Variants in DSG4 observed in about 807,000 individuals in gnomAD.
DSG4 encodes the protein desmoglein 4.
DSG4 carries 87 observed loss-of-function variants against 93.1 expected under a neutral mutation model. The ratio of observed to expected loss-of-function variants is 0.93; its 90% CI spans 0.79 to 1.12. DSG4 has a LOEUF of 1.12. DSG4 is among the 50% of genes most tolerant of loss of function. DSG4 has a pLI of 0.00. For synonymous variants in DSG4, 432 were observed against 452.9 expected (o/e 0.95, Z 0.59); for missense variants, 1,373 against 1,285.7 (o/e 1.07, Z -1.04).
At chr18:31,384,029 C>T (rs979016769) in intron 1 of DSG4, among the ~76,000 whole-genome samples, 1 of 152,076 alleles carries the variant, frequency 6.6e-6, no homozygotes, top group African/African-American at 2.4e-5. Flanking sequence ...TTTAATGACT[C>T]TGCTACCAGA....
intron 14 of DSG4, among the ~76,000 whole-genome samples, chr18:31,410,605 CAA>C (rs1298115947): frequency 6.6e-6 from 1 of 152,084 alleles, no homozygotes; most frequent in Non-Finnish European, 1.5e-5. Flanking sequence ...GCTTTTGCCT[CAA>C]AAGAGTGTCG....
chr18:31,413,670 T>G lies in DSG4; in HGVS notation c.*75T>G. ...CAATACATCCACCAAAAATATATAA[T>G]GTACCATATATATTAATAGTCAACA... On this transcript the variant is annotated 3_prime_UTR_variant, in exon 16 of 16. Coordinates refer to ENST00000308128, the MANE Select transcript of DSG4 (RefSeq NM_177986.5). 5 of 1,485,930 alleles carry G rather than the reference T, an allele frequency of 3.4e-6. No homozygotes were observed. The highest frequency in any genetic ancestry group is 4.6e-6 in the Non-Finnish European group (5 of 1,076,906). The allele number at this position is 1,485,930 out of a possible 1,614,324, so 92.0% of individuals were successfully genotyped here. A position where few individuals can be genotyped will look rare whatever the true frequency, so the allele number is the denominator to read the frequency against.
rs1383471847 is a variant in DSG4, at chr18:31,406,392, C to T, written c.1933+19C>T. The T allele has an allele frequency of 1.1e-5, 18 of 1,613,796 alleles. No individual in the cohort carries two copies. The highest frequency in any genetic ancestry group is 1.4e-5 in the Non-Finnish European group (16 of 1,180,010). ...CTGATTTGTAAGTACTCAATTAAATCCTTCTTTTCAATAGTTCTTCAAAAT... is the reference window on the plus strand; with the variant it reads ...CTGATTTGTAAGTACTCAATTAAATTCTTCTTTTCAATAGTTCTTCAAAAT... On this transcript the variant is annotated intron_variant, in intron 12 of 15. Coordinates refer to ENST00000308128, the MANE Select transcript of DSG4 (RefSeq NM_177986.5).
chr18:31,402,160 A>ATTTTGT (rs2072375099), intron 10 of DSG4, among the ~76,000 whole-genome samples: 2 of 152,342 alleles, frequency 1.3e-5, no homozygotes, highest in South Asian at 4.1e-4. Flanking sequence ...TACCAAGAGA[A>ATTTTGT]ACCCAGAAAC....
intron 8 of DSG4, among the ~76,000 whole-genome samples, chr18:31,397,748 C>T (rs1354714494): frequency 1.6e-4 from 25 of 151,980 alleles, no homozygotes; most frequent in Admixed American, 1.5e-3. Context: ...GTTATCAGGC[C>T]GGGCACAGGG....
At chr18:31,385,502 A>C (rs921841737) in intron 2 of DSG4, among the ~76,000 whole-genome samples, 4 of 152,172 alleles carry the variant, frequency 2.6e-5, no homozygotes, top group Non-Finnish European at 5.9e-5. Flanking sequence ...CACATTAGAC[A>C]GAAAGACAAT....
chr18:31,399,293 C>T lies in DSG4; in HGVS notation c.1027C>T (p.Pro343Ser), dbSNP rs1443350058. The change falls in exon 9 of 16, where the codon CCT (proline) becomes TCT (serine). Residue 343 changes from proline to serine, a missense_variant. By Grantham distance (74) the Pro-to-Ser change is moderately conservative. Coordinates refer to ENST00000308128, the MANE Select transcript of DSG4 (RefSeq NM_177986.5). Reference sequence around the variant, plus strand: ...TCAGATGCTGGATTATGAACAAGCACCTAACATTCAGCTTAGTATCGGAGT... The same window carrying T: ...TCAGATGCTGGATTATGAACAAGCATCTAACATTCAGCTTAGTATCGGAGT... ...VVKMLDYEQAPNIQLSIGVKN... is the reference protein window; with the variant it reads ...VVKMLDYEQASNIQLSIGVKN... 9 of 1,613,844 alleles carry T rather than the reference C, an allele frequency of 5.6e-6. No individual in the cohort carries two copies. Among genetic ancestry groups the T allele is most frequent in the African/African-American group, 1.3e-5 (1 of 74,882 alleles).
At chr18:31,397,258 G>A (rs984061860) in intron 8 of DSG4, among the ~76,000 whole-genome samples, 2 of 152,140 alleles carry the variant, frequency 1.3e-5, no homozygotes, top group African/African-American at 4.8e-5. Flanking sequence ...CCCTTCCAGA[G>A]CCTCACTCCT....
intron 8 of DSG4, 118 bp downstream of exon 8, chr18:31,392,458 GT>G: frequency 1.8e-6 from 2 of 1,136,432 alleles, no homozygotes; most frequent in South Asian, 2.7e-5. Context: ...TTTGAATATT[GT>G]TTATATCAAG....
At chr18:31,409,333 A>T (rs2072459989) in intron 12 of DSG4, 119 bp from the exon 13 acceptor site, 1 of 1,462,034 alleles carries the variant, frequency 6.8e-7, no homozygotes, top group Non-Finnish European at 9.5e-7. Flanking sequence ...ATTTTCTTAC[A>T]TATATTTGTA....
Position 31,403,444 on chromosome 18 carries a change from C to A in DSG4, c.1446C>A (p.Thr482=). The A allele has an allele frequency of 6.2e-7, 1 of 1,613,500 alleles. No homozygotes were observed. Among genetic ancestry groups the A allele is most frequent in the Non-Finnish European group, 8.5e-7 (1 of 1,179,726 alleles). Residue 482 remains threonine, a synonymous_variant, in exon 11 of 16, where the codon ACC becomes ACA. Coordinates refer to ENST00000308128, the MANE Select transcript of DSG4 (RefSeq NM_177986.5). ...DDGSGKTATG[T]ICIEVPDIND... is the part of the protein sequence containing the mutation. ...GCTCTGGAAAAACAGCTACAGGAAC[C>A]ATATGTATTGAGGTTCCTGATATCA... is the stretch of plus-strand genomic sequence containing the variant.
intron 8 of DSG4, among the ~76,000 whole-genome samples, chr18:31,395,280 A>G (rs1019348909): frequency 6.6e-6 from 1 of 152,164 alleles, no homozygotes; most frequent in African/African-American, 2.4e-5. Context: ...CTAAAAAAAA[A>G]AAAAAGCTAT....
rs754602775 is a variant in DSG4, at chr18:31,409,455, C to T, written c.1937C>T (p.Ala646Val). 1.2e-6 allele frequency: 2 copies of T among 1,614,152 alleles called. No homozygotes were observed. Among genetic ancestry groups the T allele is most frequent in the African/African-American group, 1.3e-5 (1 of 75,044 alleles). ...MVLGILLLIL[A>V]PLLLLLCCCK... Reference sequence around the variant, plus strand: ...ACATTGTCACTTTCTTGGGCAGTGGCTCCACTCTTGCTGCTCCTGTGTTGC... The same window carrying T: ...ACATTGTCACTTTCTTGGGCAGTGGTTCCACTCTTGCTGCTCCTGTGTTGC... Residue 646 changes from alanine to valine, a missense_variant, in exon 13 of 16, where the codon GCT becomes GTT. Transcript: ENST00000308128.
chr18:31,413,379 G>C lies in DSG4; in HGVS notation c.2907G>C (p.Leu969=), dbSNP rs759920157. 6.2e-7 allele frequency: 1 copy of C among 1,614,118 alleles called. No homozygotes were observed. The highest frequency in any genetic ancestry group is 1.1e-5 in the South Asian group (1 of 91,074). Residue 969 remains leucine, a synonymous_variant, in exon 16 of 16, where the codon CTG becomes CTC. Coordinates refer to ENST00000308128, the MANE Select transcript of DSG4 (RefSeq NM_177986.5). ...ATGTAATCTATGCTGAGAGAGTACT[G>C]GCTAGTCCTGGTGTGCCTGACATGA... ...YNNVIYAERV[L]ASPGVPDMSN... is the part of the protein sequence containing the mutation.
chr18:31,381,090 A>T (rs1024161806), intron 1 of DSG4, among the ~76,000 whole-genome samples: 2 of 152,176 alleles, frequency 1.3e-5, no homozygotes, highest in Non-Finnish European at 2.9e-5. Context: ...TGTCTGTCAC[A>T]TGCTTTGTCA....
intron 8 of DSG4, among the ~76,000 whole-genome samples, chr18:31,395,748 C>A (rs2072298504): frequency 6.6e-6 from 1 of 152,114 alleles, no homozygotes; most frequent in Non-Finnish European, 1.5e-5. Context: ...TGCCTGTAAT[C>A]CCAGCACTTT....
At chr18:31,398,342 T>A (rs1232135675) in intron 8 of DSG4, among the ~76,000 whole-genome samples, 1 of 152,152 alleles carries the variant, frequency 6.6e-6, no homozygotes, top group Non-Finnish European at 1.5e-5. Flanking sequence ...AGAACCCAAG[T>A]AAATTTCTGT....
intron 15 of DSG4, among the ~76,000 whole-genome samples, chr18:31,412,099 G>A (rs1014525794): frequency 6.6e-6 from 1 of 152,122 alleles, no homozygotes; most frequent in Admixed American, 6.5e-5. Flanking sequence ...CACTAGTCAC[G>A]TAGCCAATAC....
intron 8 of DSG4, among the ~76,000 whole-genome samples, chr18:31,396,540 A>T (rs2072308221): frequency 1.3e-5 from 2 of 151,874 alleles, no homozygotes; most frequent in Admixed American, 1.3e-4. Flanking sequence ...TTTTCAGTAG[A>T]GACGGGGTTT....
Sources: gnomAD v4.1 joint callset for allele counts (sites outside exome capture counted in the v4.1 genomes callset) on GRCh38, gnomAD v4.1.1 for gene constraint, MANE v1.5 for transcripts, NCBI Gene and HGNC (gene_info 2026-07-23, HGNC 2026-07-21) for gene names.